PTGER3: variants seen among roughly 807,000 people sequenced by gnomAD.
The protein encoded by PTGER3 is prostaglandin E receptor 3.
A neutral mutation model predicts 34.7 loss-of-function variants in PTGER3; 22 were observed. That is an observed-to-expected ratio of 0.63 (90% CI 0.45 to 0.91). The LOEUF (loss-of-function observed/expected upper bound fraction) is 0.91. PTGER3 is among the 40% of genes least tolerant of loss of function. The probability of loss-of-function intolerance (pLI) is 0.00; values close to 1 mark genes in which losing one functional copy is unlikely to be tolerated. For missense variants in PTGER3, 468 were observed against 519.4 expected, an observed-to-expected ratio of 0.90 and a Z score of 0.96; for synonymous variants, 241 against 230.1, an observed-to-expected ratio of 1.05 and a Z score of -0.43.
At chr1:71,012,266 C>G in intron 2 of PTGER3, 39 bp downstream of exon 2, 1 of 1,614,092 alleles carries the variant, frequency 6.2e-7, no homozygotes, top group South Asian at 1.1e-5. Flanking sequence ...GCTGCCCTTT[C>G]TGTCCATCAT....
intron 4 of PTGER3, among the ~76,000 whole-genome samples, chr1:70,915,898 TTAAAC>T (rs1259090457): frequency 6.6e-6 from 1 of 151,924 alleles, no homozygotes; most frequent in African/African-American, 2.4e-5. Flanking sequence ...TGAGACCTAA[TTAAAC>T]TAAAGTTTCT....
chr1:70,966,209 A>T (rs1394649219), downstream of PTGER3, among the ~76,000 whole-genome samples: 1 of 152,138 alleles, frequency 6.6e-6, no homozygotes, highest in Non-Finnish European at 1.5e-5. Context: ...CAATACCTTC[A>T]TCTGCCTGTA....
intron 4 of PTGER3, among the ~76,000 whole-genome samples, chr1:70,869,056 A>G (rs999909117): frequency 9.9e-5 from 15 of 152,192 alleles, no homozygotes; most frequent in Admixed American, 7.2e-4. Context: ...TAAATAAATG[A>G]GCCAGTCTCA....
At chr1:70,976,774 T>C (rs481940) in intron 2 of PTGER3, among the ~76,000 whole-genome samples, 108,721 of 151,992 alleles carry the variant, frequency 0.72, 39,913 homozygotes, top group East Asian at 0.96. Context: ...TTCATTCACA[T>C]CAAATATGAC....
intron 1 of PTGER3, among the ~76,000 whole-genome samples, chr1:71,013,477 C>T (rs1386310972): frequency 3.3e-5 from 5 of 151,926 alleles, no homozygotes; most frequent in South Asian, 2.1e-4. Context: ...CCGAGGCAGG[C>T]GGATCACTTG....
chr1:71,046,331 T>C (rs1259277319), intron 1 of PTGER3, among the ~76,000 whole-genome samples: 1 of 149,786 alleles, frequency 6.7e-6, no homozygotes, highest in African/African-American at 2.5e-5. Flanking sequence ...GCTACAGTTA[T>C]CATAGCAATT....
chr1:70,972,830 A>G (rs1214193339), intron 3 of PTGER3, among the ~76,000 whole-genome samples: 3 of 152,142 alleles, frequency 2.0e-5, no homozygotes, highest in African/African-American at 4.8e-5. Flanking sequence ...CAGGAAAAAA[A>G]GAATAGAAAA....
At chr1:71,026,855 C>A (rs1362309867) in intron 1 of PTGER3, among the ~76,000 whole-genome samples, 3 of 151,850 alleles carry the variant, frequency 2.0e-5, no homozygotes, top group Non-Finnish European at 4.4e-5. Context: ...CTGGGTTGGT[C>A]CAACAGCAAA....
At chr1:71,031,245 AAC>A (rs56278148) in intron 1 of PTGER3, among the ~76,000 whole-genome samples, 18,819 of 149,182 alleles carry the variant, frequency 0.13, 1,298 homozygotes, top group African/African-American at 0.19. Context: ...GTGGCAGGAA[AAC>A]ACACACACAC....
chr1:70,904,418 A>C (rs762484059), intron 4 of PTGER3, among the ~76,000 whole-genome samples: 3 of 152,230 alleles, frequency 2.0e-5, no homozygotes, highest in African/African-American at 4.8e-5. Flanking sequence ...GCTCTGAAGA[A>C]GACAGAAAAT....
chr1:70,887,270 G>C (rs1646518033), intron 4 of PTGER3, among the ~76,000 whole-genome samples: 1 of 152,130 alleles, frequency 6.6e-6, no homozygotes, highest in South Asian at 2.1e-4. Flanking sequence ...GGATAATTTA[G>C]TAAATACATT....
chr1:70,852,555 T>TA (rs781344647), exon 5 of PTGER3: 220 of 457,192 alleles, frequency 4.8e-4, no homozygotes, highest in Admixed American at 1.9e-3. Flanking sequence ...TAATTTTCAA[T>TA]AAAAAAATGC....
chr1:70,879,226 C>T (rs987918071), intron 4 of PTGER3, among the ~76,000 whole-genome samples: 3 of 149,312 alleles, frequency 2.0e-5, no homozygotes, highest in African/African-American at 7.5e-5. Context: ...TATGTAATGC[C>T]CTTCTGTCCT....
chr1:70,928,888 C>CAG lies in PTGER3; in HGVS notation c.*23+24874_*23+24875insCT, dbSNP rs568041983. On this transcript the variant is annotated intron_variant, in intron 4 of 4. Coordinates refer to the PTGER3 transcript ENST00000370931. ...ACAGATACACACACACACACACACA[C>CAG]ACACACACTATATATATACACACAT... Among the ~76,000 whole-genome samples the CAG allele has an allele frequency of 5.3e-5, 8 of 151,686 alleles. No individual in the cohort carries two copies. The South Asian group carries it at 1.7e-3, about 32-fold the overall frequency.
intron 2 of PTGER3, among the ~76,000 whole-genome samples, chr1:70,978,532 T>C (rs1372457215): frequency 6.6e-6 from 1 of 152,166 alleles, no homozygotes; most frequent in Non-Finnish European, 1.5e-5. Flanking sequence ...AAATCCAGGC[T>C]TCTGATATCA....
chr1:70,904,780 T>C (rs530373779), intron 4 of PTGER3, among the ~76,000 whole-genome samples: 1 of 152,224 alleles, frequency 6.6e-6, no homozygotes, highest in Non-Finnish European at 1.5e-5. Flanking sequence ...AGCCTGACAA[T>C]ACAGTAGAAA....
chr1:71,008,577 T>G, intron 2 of PTGER3: 1 of 983,278 alleles, frequency 1.0e-6, no homozygotes, highest in Non-Finnish European at 1.2e-6. Flanking sequence ...GGTTATTAAA[T>G]TTTGTAAATT....
chr1:70,955,013 T>C (rs931339959), intron 2 of PTGER3, among the ~76,000 whole-genome samples: 2 of 152,298 alleles, frequency 1.3e-5, no homozygotes, highest in South Asian at 4.1e-4. Flanking sequence ...TTTAGTCTCA[T>C]CATTTCTTTA....
At chr1:70,931,059 AT>A (rs1410966494) in intron 4 of PTGER3, among the ~76,000 whole-genome samples, 2 of 152,206 alleles carry the variant, frequency 1.3e-5, no homozygotes, top group Non-Finnish European at 2.9e-5. Flanking sequence ...GGATATAGGT[AT>A]TGGGTAAATA....
Sources: allele counts gnomAD v4.1 joint callset (sites outside exome capture counted in the v4.1 genomes callset), GRCh38; gene constraint gnomAD v4.1.1; transcripts MANE v1.5; gene names NCBI Gene and HGNC (gene_info 2026-07-23, HGNC 2026-07-21).